AOPEP: variants seen among roughly 807,000 people sequenced by gnomAD.
AOPEP encodes aminopeptidase O.
In AOPEP, 77 loss-of-function variants were observed where a neutral mutation model predicts 98.1. The observed-to-expected ratio is 0.78, with a 90% CI of 0.65 to 0.95. AOPEP has a LOEUF of 0.95. Ranked by LOEUF, AOPEP falls within the 40% of genes least tolerant of loss-of-function variation. AOPEP has a pLI of 0.00. For missense variants in AOPEP, 1,024 were observed against 1,024.7 expected, an observed-to-expected ratio of 1.00 and a Z score of 0.01; for synonymous variants, 346 against 365.3, an observed-to-expected ratio of 0.95 and a Z score of 0.60.
At chr9:94,749,063 A>T (rs565502960) in intron 1 of AOPEP, among the ~76,000 whole-genome samples, 15 of 152,148 alleles carry the variant, frequency 9.9e-5, no homozygotes, top group Non-Finnish European at 1.8e-4. Context: ...GATTTTTTGG[A>T]ATTCTTACAT....
At chr9:94,991,297 A>G (rs73657022) in intron 11 of AOPEP, among the ~76,000 whole-genome samples, 2,536 of 152,308 alleles carry the variant, frequency 0.017, 77 homozygotes, top group African/African-American at 0.058. Flanking sequence ...TAATACCTGC[A>G]TGGTATTTCT....
intron 1 of AOPEP, among the ~76,000 whole-genome samples, chr9:94,747,484 G>A (rs766313991): frequency 6.6e-6 from 1 of 152,122 alleles, no homozygotes; most frequent in Non-Finnish European, 1.5e-5. Flanking sequence ...AGAACATATA[G>A]CTCAATGTTG....
chr9:95,085,085 A>G (rs140412626), intron 16 of AOPEP: 57 of 370,396 alleles, frequency 1.5e-4, no homozygotes, highest in Non-Finnish European at 1.4e-4. Flanking sequence ...TAGGATGCCA[A>G]CTAAACGAAC....
At chr9:95,015,058 A>G (rs1388867425) in intron 13 of AOPEP, among the ~76,000 whole-genome samples, 1 of 152,192 alleles carries the variant, frequency 6.6e-6, no homozygotes, top group Non-Finnish European at 1.5e-5. Flanking sequence ...AACACAAACT[A>G]AAGACATGAG....
chr9:94,933,656 A>G lies in AOPEP; in HGVS notation c.1661+5125A>G. The G allele has an allele frequency of 4.1e-6, 4 of 985,436 alleles. No individual in the cohort carries two copies. In the Middle Eastern group the frequency reaches 1.6e-3, roughly 386 times the overall value. The allele number at this position is 985,436 out of a possible 1,614,324, so 61.0% of individuals were successfully genotyped here. On this transcript the variant is annotated intron_variant, in intron 7 of 16. Transcript: ENST00000375315. The stretch of plus-strand genomic sequence containing the variant: ...ATGTAACCCTATCCATAGCCAAAAT[A>G]AAGTCTGCATGCCACAAGTGTTGTG...
chr9:94,916,707 A>AAT (rs1195111282), intron 5 of AOPEP, among the ~76,000 whole-genome samples: 1 of 147,184 alleles, frequency 6.8e-6, no homozygotes, highest in African/African-American at 2.6e-5. Context: ...AAAAAAAAAA[A>AAT]AATTAAATAA....
chr9:94,991,904 G>T (rs1274977499), intron 11 of AOPEP, among the ~76,000 whole-genome samples: 3 of 152,134 alleles, frequency 2.0e-5, no homozygotes, highest in Admixed American at 1.3e-4. Flanking sequence ...GATTAGTTTA[G>T]GTCTTTGCAT....
chr9:95,048,366 G>A (rs78263757), intron 13 of AOPEP, among the ~76,000 whole-genome samples: 5,873 of 150,974 alleles, frequency 0.039, 384 homozygotes, highest in African/African-American at 0.13. Flanking sequence ...GTACCTTGTT[G>A]AAGTGCTGAG....
downstream of AOPEP, among the ~76,000 whole-genome samples, chr9:95,090,729 T>A (rs10761375): frequency 2.6e-5 from 4 of 152,118 alleles, no homozygotes; most frequent in African/African-American, 9.7e-5. Context: ...CAGGGAATTC[T>A]GGCTGGACAA....
intron 5 of AOPEP, among the ~76,000 whole-genome samples, chr9:94,865,039 G>A (rs938529703): frequency 6.6e-6 from 1 of 152,056 alleles, no homozygotes; most frequent in Non-Finnish European, 1.5e-5. Flanking sequence ...TAATTTTCTA[G>A]TGTCTAACAC....
the AOPEP span, chr9:95,111,319 C>T: frequency 1.3e-6 from 2 of 1,594,712 alleles, no homozygotes; most frequent in Admixed American, 1.7e-5. Context: ...GATCACCATG[C>T]CTGCAGGTTG....
intron 4 of AOPEP, among the ~76,000 whole-genome samples, chr9:94,798,196 C>A (rs1322917020): frequency 6.6e-6 from 1 of 152,212 alleles, no homozygotes; most frequent in Admixed American, 6.5e-5. Flanking sequence ...TTTCCTGATG[C>A]CATTTCTGTG....
rs1032456406 is a variant in AOPEP at position 94,955,197 on chromosome 9, G to A, written c.1682G>A (p.Gly561Asp). 2.5e-6 allele frequency: 4 copies of A among 1,612,392 alleles called. No homozygotes were observed. Among genetic ancestry groups the A allele is most frequent in the Admixed American group, 1.7e-5 (1 of 59,648 alleles). ...QVLRPSKDKT[G>D]HTSDSGASVI... ...TTTAGACCCAGTAAAGACAAAACTG[G>A]CCACACAAGTGACTCGGGAGCATCT... is the stretch of plus-strand genomic sequence containing the variant. Residue 561 changes from glycine to aspartate, a missense_variant, in exon 8 of 17, where the codon GGC becomes GAC. By Grantham distance (94) the Gly-to-Asp change is moderately conservative. Around this residue, in one of 3 missense-constraint regions of AOPEP, gnomAD observed 566 missense variants for 551.7 expected, o/e 1.03. Coordinates refer to ENST00000375315, the MANE Select transcript of AOPEP (RefSeq NM_001193329.3).
intron 5 of AOPEP, among the ~76,000 whole-genome samples, chr9:94,823,536 A>G (rs1382689651): frequency 6.6e-6 from 1 of 152,078 alleles, no homozygotes; most frequent in South Asian, 2.1e-4. Flanking sequence ...GATTCTCTGG[A>G]GCATCTAATG....
intron 14 of AOPEP, among the ~76,000 whole-genome samples, chr9:95,067,727 A>G (rs2068059368): frequency 6.6e-6 from 1 of 152,164 alleles, no homozygotes; most frequent in African/African-American, 2.4e-5. Flanking sequence ...CACCCATTTT[A>G]AAGTATACAA....
At position 94,814,858 on chromosome 9, in the gene AOPEP, G is replaced by A. The variant is rs141614358; in HGVS notation, c.1364+13856G>A. The stretch of plus-strand genomic sequence containing the variant: ...ATGGCTCTCAAGTCTTGAACTAGAC[G>A]GTACTCTGTTTGGTTTTTGGTTAGG... On this transcript the variant is annotated intron_variant, in intron 5 of 16. Coordinates refer to ENST00000375315, the MANE Select transcript of AOPEP (RefSeq NM_001193329.3). 7.6e-3 allele frequency among the ~76,000 whole-genome samples: 1,155 copies of A among 152,300 alleles called. 8 individuals carry two copies. The highest frequency in any genetic ancestry group is 0.012 in the Non-Finnish European group (799 of 68,020).
chr9:94,835,921 C>T (rs1457350396), intron 5 of AOPEP, among the ~76,000 whole-genome samples: 4 of 152,148 alleles, frequency 2.6e-5, no homozygotes, highest in Non-Finnish European at 5.9e-5. Context: ...TGTCTTTGTT[C>T]TATCCCTATA....
chr9:94,962,213 G>A (rs2058891558), intron 9 of AOPEP, among the ~76,000 whole-genome samples: 1 of 152,060 alleles, frequency 6.6e-6, no homozygotes, highest in African/African-American at 2.4e-5. Context: ...TCCAATTTAG[G>A]TGACAGCCCT....
intron 5 of AOPEP, among the ~76,000 whole-genome samples, chr9:94,913,748 G>C (rs1284144954): frequency 6.6e-6 from 1 of 152,228 alleles, no homozygotes; most frequent in African/African-American, 2.4e-5. Context: ...AGCCAAGGGA[G>C]AACAATCAGT....
Sources: allele counts gnomAD v4.1 joint callset (sites outside exome capture counted in the v4.1 genomes callset), GRCh38; gene constraint gnomAD v4.1.1; regional missense constraint gnomAD v4.1.1; transcripts MANE v1.5; gene names NCBI Gene and HGNC (gene_info 2026-07-23, HGNC 2026-07-21).